Variants in MCC observed in about 807,000 individuals in gnomAD.
MCC encodes colorectal mutant cancer protein.
Under a neutral mutation model 116.2 loss-of-function variants are expected in MCC, and 90 were observed. That is an observed-to-expected ratio of 0.77 (90% confidence interval 0.65 to 0.92). The LOEUF (loss-of-function observed/expected upper bound fraction) is 0.92. Among genes scored for constraint, MCC ranks in the 40% least tolerant of loss-of-function variants. MCC has a pLI of 0.00. For missense variants in MCC, 1,516 were observed against 1,312.2 expected (o/e 1.16, Z -2.40); for synonymous variants, 578 against 510.5 (o/e 1.13, Z -1.78).
At chr5:113,040,636 C>G (rs1295001523) in intron 17 of MCC, among the ~76,000 whole-genome samples, 1 of 152,106 alleles carries the variant, frequency 6.6e-6, no homozygotes, top group African/African-American at 2.4e-5. Flanking sequence ...ATAATACAAA[C>G]CCAAACTGCA....
intron 17 of MCC, among the ~76,000 whole-genome samples, chr5:113,034,797 G>A (rs1251369192): frequency 6.6e-6 from 1 of 152,216 alleles, no homozygotes; most frequent in African/African-American, 2.4e-5. Context: ...GGTCCCTTCT[G>A]TCCTTTTCTT....
At chr5:113,266,079 C>A (rs1486059125) in intron 3 of MCC, among the ~76,000 whole-genome samples, 3 of 152,186 alleles carry the variant, frequency 2.0e-5, no homozygotes, top group African/African-American at 7.2e-5. Flanking sequence ...TGAATTTCAA[C>A]TTTCATTAAA....
intron 2 of MCC, among the ~76,000 whole-genome samples, chr5:113,362,796 C>G (rs1257005079): frequency 6.6e-6 from 1 of 152,078 alleles, no homozygotes; most frequent in African/African-American, 2.4e-5. Context: ...GTTACTGGCA[C>G]AGAGCTTCAA....
Position 113,101,855 on chromosome 5 carries a change from G to C in MCC, c.1282C>G (p.Leu428Val). 6.2e-7 allele frequency: 1 copy of C among 1,603,706 alleles called. No homozygotes were observed. Among genetic ancestry groups the C allele is most frequent in the African/African-American group, 1.4e-5 (1 of 71,962 alleles). ...GTCAGGCTCTCATTCTCTTCCCTCA[G>C]CCCAGCCAGCTCCTTCTCCCACCGA... ...RSRWEKELAG[L>V]REENESLTAM... is the part of the protein sequence containing the mutation. Residue 428 changes from leucine to valine, a missense_variant, in exon 8 of 19, where the codon CTG (leucine) becomes GTG (valine). Physicochemically the swap from Leu to Val is conservative, Grantham distance 32 (BLOSUM62 1). Coordinates refer to ENST00000408903, the MANE Select transcript of MCC (RefSeq NM_001085377.2).
chr5:113,424,180 C>CACACAG, intron 1 of MCC, among the ~76,000 whole-genome samples: 1 of 150,100 alleles, frequency 6.7e-6, no homozygotes, highest in East Asian at 1.9e-4. Context: ...CACACACACA[C>CACACAG]ACACATTCTA....
intron 8 of MCC, among the ~76,000 whole-genome samples, chr5:113,095,645 A>C (rs1323090010): frequency 6.6e-6 from 1 of 151,924 alleles, no homozygotes; most frequent in Non-Finnish European, 1.5e-5. Flanking sequence ...TCAGCCCCCG[A>C]GTAGCTGGGA....
At chr5:113,313,661 T>C (rs924848970) in intron 3 of MCC, among the ~76,000 whole-genome samples, 12 of 152,220 alleles carry the variant, frequency 7.9e-5, no homozygotes, top group Non-Finnish European at 1.3e-4. Context: ...ACTAGGGATG[T>C]TCTTTATGCA....
intron 17 of MCC, 92 bp downstream of exon 17, chr5:113,043,438 C>T: frequency 1.7e-6 from 2 of 1,159,736 alleles, no homozygotes; most frequent in Non-Finnish European, 2.5e-6. Context: ...AACACATCAG[C>T]ACCTTCTCCT....
At chr5:113,155,070 C>T (rs1009811450) in intron 3 of MCC, among the ~76,000 whole-genome samples, 3 of 152,166 alleles carry the variant, frequency 2.0e-5, no homozygotes, top group Non-Finnish European at 4.4e-5. Flanking sequence ...TGGTATCTAT[C>T]ATTCTATTCT....
intron 1 of MCC, among the ~76,000 whole-genome samples, chr5:113,394,866 C>T (rs1769485703): frequency 6.6e-6 from 1 of 152,200 alleles, no homozygotes; most frequent in Non-Finnish European, 1.5e-5. Flanking sequence ...TAGATCATTT[C>T]CTGTTTCTGT....
chr5:113,079,464 A>C, intron 11 of MCC, among the ~76,000 whole-genome samples: 1 of 152,248 alleles, frequency 6.6e-6, no homozygotes, highest in Non-Finnish European at 1.5e-5. Context: ...ACAGAGATAT[A>C]GACCAATGGA....
At chr5:113,209,555 A>AT (rs1378056680) in intron 3 of MCC, among the ~76,000 whole-genome samples, 1 of 152,206 alleles carries the variant, frequency 6.6e-6, no homozygotes, top group African/African-American at 2.4e-5. Flanking sequence ...GGCTGCAATA[A>AT]TTTTATTGTA....
intron 1 of MCC, among the ~76,000 whole-genome samples, chr5:113,421,409 G>A (rs999372374): frequency 3.3e-5 from 5 of 152,068 alleles, no homozygotes; most frequent in African/African-American, 1.2e-4. Flanking sequence ...TAGACTTACT[G>A]CTCAGAGAAA....
chr5:113,178,723 C>T (rs1240282635), intron 3 of MCC, among the ~76,000 whole-genome samples: 1 of 152,166 alleles, frequency 6.6e-6, no homozygotes, highest in African/African-American at 2.4e-5. Flanking sequence ...CATTCCACTT[C>T]CACTGTCAAA....
At chr5:113,202,875 A>T (rs1322943230) in intron 3 of MCC, among the ~76,000 whole-genome samples, 1 of 151,980 alleles carries the variant, frequency 6.6e-6, no homozygotes, top group African/African-American at 2.4e-5. Context: ...GTGACTTGAC[A>T]TATTCTCAAC....
intron 6 of MCC, among the ~76,000 whole-genome samples, chr5:113,117,610 C>T (rs2150266575): frequency 6.6e-6 from 1 of 152,358 alleles, no homozygotes; most frequent in East Asian, 1.9e-4. Flanking sequence ...GCTTCACTGG[C>T]TGTGCAAAGG....
chr5:113,054,783 G>A (rs1241401359), intron 14 of MCC, among the ~76,000 whole-genome samples: 1 of 152,226 alleles, frequency 6.6e-6, no homozygotes, highest in Non-Finnish European at 1.5e-5. Flanking sequence ...GCCCCCAGCT[G>A]AACCCCAGGC....
chr5:113,158,810 A>G (rs1445048191), intron 3 of MCC, among the ~76,000 whole-genome samples: 6 of 152,246 alleles, frequency 3.9e-5, no homozygotes, highest in Non-Finnish European at 8.8e-5. Flanking sequence ...TACCGGAGAT[A>G]ATAACACACA....
intron 1 of MCC, among the ~76,000 whole-genome samples, chr5:113,476,097 C>T (rs1010872939): frequency 6.6e-6 from 1 of 152,106 alleles, no homozygotes; most frequent in Non-Finnish European, 1.5e-5. Context: ...CCCTGAAAAA[C>T]ATAGTTACTA....
Sources: gnomAD v4.1 joint callset for allele counts (sites outside exome capture counted in the v4.1 genomes callset) on GRCh38, gnomAD v4.1.1 for gene constraint, MANE v1.5 for transcripts, NCBI Gene and HGNC (gene_info 2026-07-23, HGNC 2026-07-21) for gene names.